Variants in ZFPM1 observed in about 807,000 individuals in gnomAD.
The protein encoded by ZFPM1 is zinc finger protein, FOG family member 1.
ZFPM1 carries 28 observed loss-of-function variants against 46.3 expected under a neutral mutation model. That is an observed-to-expected ratio of 0.60 (90% CI 0.45 to 0.83). The LOEUF is 0.83. Ranked by LOEUF, ZFPM1 falls within the 40% of genes least tolerant of loss-of-function variation. ZFPM1 has a pLI of 0.00. For synonymous variants in ZFPM1, 957 were observed against 675.9 expected (o/e 1.42, Z -6.45); for missense variants, 1,878 against 1,432.4 (o/e 1.31, Z -5.02).
intron 4 of ZFPM1, among the ~76,000 whole-genome samples, chr16:88,516,933 T>TG (rs1195616756): frequency 3.9e-5 from 6 of 152,056 alleles, no homozygotes; most frequent in East Asian, 1.9e-4. Flanking sequence ...CCTCTGGACA[T>TG]GGGGGGCGGG....
At chr16:88,511,713 G>T (rs778515190) in intron 3 of ZFPM1, among the ~76,000 whole-genome samples, 3 of 152,204 alleles carry the variant, frequency 2.0e-5, no homozygotes, top group Non-Finnish European at 4.4e-5. Flanking sequence ...GCAGAAGAGC[G>T]TTGAGAACCA....
At position 88,471,845 on chromosome 16, in the gene ZFPM1, G is replaced by C. The variant is rs1597233573; in HGVS notation, c.41-14094G>C. The stretch of plus-strand genomic sequence containing the variant: ...TCGGGGCGAGGCCCCCGCGGGCTGG[G>C]AGGGCTCTGGGCCTCCGGCTGGCTG... On this transcript the variant is annotated intron_variant, in intron 1 of 9. Transcript: ENST00000319555. The surrounding 1 kb of genome is among the most constrained non-coding windows in gnomAD (Gnocchi z 4.1). Among the ~76,000 whole-genome samples the C allele has an allele frequency of 6.6e-6, 1 of 152,380 alleles. No homozygotes were observed. Among genetic ancestry groups the C allele is most frequent in the East Asian group, 1.9e-4 (1 of 5,190 alleles).
chr16:88,497,395 C>G lies in ZFPM1; in HGVS notation c.268+8242C>G, dbSNP rs1330868999. 1.4e-5 allele frequency among the ~76,000 whole-genome samples: 2 copies of G among 138,574 alleles called. No individual in the cohort carries two copies. Among genetic ancestry groups the G allele is most frequent in the South Asian group, 2.5e-4 (1 of 3,936 alleles). 90.9% of individuals were successfully genotyped at this position (138,574 alleles called of 152,430 possible). A position where few individuals can be genotyped will look rare whatever the true frequency, so the allele number is the denominator to read the frequency against. On this transcript the variant is annotated intron_variant, in intron 3 of 9. Transcript: ENST00000319555. The surrounding 1 kb of genome is among the most constrained non-coding windows in gnomAD (Gnocchi z 5.4). Reference sequence around the variant, plus strand: ...GGTGGCTGGAACATCAGGGCCCGGGCGGGGATGGGGTTCAGAGGGGTCAGG... The same window carrying G: ...GGTGGCTGGAACATCAGGGCCCGGGGGGGGATGGGGTTCAGAGGGGTCAGG...
Position 88,501,172 on chromosome 16 carries a change from A to G in ZFPM1, c.268+12019A>G, listed in dbSNP as rs993403957. Among the ~76,000 whole-genome samples, 18 of 82,630 alleles carry G rather than the reference A, an allele frequency of 2.2e-4. 1 individual carries two copies. Among genetic ancestry groups the G allele is most frequent in the African/African-American group, 7.4e-4 (14 of 18,944 alleles). 54.2% of individuals were successfully genotyped at this position (82,630 alleles called of 152,430 possible). On this transcript the variant is annotated intron_variant, in intron 3 of 9. Coordinates refer to ENST00000319555, the MANE Select transcript of ZFPM1 (RefSeq NM_153813.3). ...GTGCTGGTGATGATGGAGATAGCAG[A>G]CATGGGTGCGGGGGCCCTCCCGCAG...
At chr16:88,466,957 C>G (rs1298057038) in intron 1 of ZFPM1, among the ~76,000 whole-genome samples, 1 of 151,998 alleles carries the variant, frequency 6.6e-6, no homozygotes, top group Admixed American at 6.6e-5. Flanking sequence ...CAGTGAACCC[C>G]AAAACGGCGG....
At position 88,453,656 on chromosome 16, in the gene ZFPM1, G is replaced by A; in HGVS notation, c.18G>A (p.Gln6=). The A allele has an allele frequency of 8.4e-7, 1 of 1,194,380 alleles. No individual in the cohort carries two copies. The highest frequency in any genetic ancestry group is 1.1e-6 in the Non-Finnish European group (1 of 944,378). 74.0% of individuals were successfully genotyped at this position (1,194,380 alleles called of 1,614,324 possible). A position where few individuals can be genotyped will look rare whatever the true frequency, so the allele number is the denominator to read the frequency against. The stretch of plus-strand genomic sequence containing the variant: ...CCGGAGACATGTCCAGGCGGAAACA[G>A]AGCAACCCCCGGCAGATCAAGCGTG... MSRRK[Q]SNPRQIKRSL... Residue 6 remains glutamine, a synonymous_variant, in exon 1 of 10, where the codon CAG becomes CAA. Transcript: ENST00000319555.
upstream of ZFPM1, among the ~76,000 whole-genome samples, chr16:88,452,116 C>T (rs1282205761): frequency 1.3e-5 from 2 of 152,282 alleles, no homozygotes; most frequent in Non-Finnish European, 2.9e-5. Context: ...CACTGACGCC[C>T]GTTTCTTATG....
At chr16:88,461,040 GAGGGGCGGGAGGCCCTGGTGAGGACCC>G (rs1567525573) in intron 1 of ZFPM1, among the ~76,000 whole-genome samples, 12 of 107,626 alleles carry the variant, frequency 1.1e-4, no homozygotes, top group African/African-American at 4.6e-4. Context: ...GGTGAGGACC[GAGGGGCGGGAGGCCCTGGTGAGGACCC>G]AGGGGCAGAA....
chr16:88,514,128 G>A (rs79401827), intron 3 of ZFPM1, among the ~76,000 whole-genome samples: 6 of 152,280 alleles, frequency 3.9e-5, no homozygotes, highest in Admixed American at 6.5e-5. Context: ...TCTGGAGAAC[G>A]ACCATCGCAG....
intron 3 of ZFPM1, among the ~76,000 whole-genome samples, chr16:88,491,252 G>A (rs996744491): frequency 3.3e-5 from 5 of 152,164 alleles, no homozygotes; most frequent in East Asian, 3.9e-4. Flanking sequence ...AGGGTAGCGG[G>A]TAGCAGGGAG....
intron 3 of ZFPM1, 46 bp from the exon 4 acceptor site, chr16:88,514,341 A>G (rs898312957): frequency 2.1e-5 from 32 of 1,550,122 alleles, no homozygotes; most frequent in Non-Finnish European, 2.4e-5. Context: ...TGGGCTGGAC[A>G]GGCCCCAGAC....
intron 3 of ZFPM1, among the ~76,000 whole-genome samples, chr16:88,489,979 C>T (rs1909467943): frequency 6.6e-6 from 1 of 151,938 alleles, no homozygotes; most frequent in African/African-American, 2.4e-5. Context: ...TCGCAAGGTC[C>T]CCCGTGGAGG....
At chr16:88,489,444 G>A in intron 3 of ZFPM1, 2 of 369,876 alleles carry the variant, frequency 5.4e-6, no homozygotes, top group Non-Finnish European at 9.8e-6. Flanking sequence ...AGTGGTGGCT[G>A]GTAAAGAATC....
At position 88,497,871 on chromosome 16, in the gene ZFPM1, C is replaced by T. The variant is rs1392541124; in HGVS notation, c.268+8718C>T. The stretch of plus-strand genomic sequence containing the variant: ...CATCTGACTAATCTCGCCGGCGGAG[C>T]GTCTACGCAAACCTCAAGGCCTGCT... On this transcript the variant is annotated intron_variant, in intron 3 of 9. Transcript: ENST00000319555. This position sits in a 1 kb window ranked among gnomAD's most constrained non-coding sequence, Gnocchi z 5.4. Among the ~76,000 whole-genome samples, 3 of 152,150 alleles carry T rather than the reference C, an allele frequency of 2.0e-5. No individual in the cohort carries two copies. The highest frequency in any genetic ancestry group is 2.9e-5 in the Non-Finnish European group (2 of 68,008).
intron 4 of ZFPM1, among the ~76,000 whole-genome samples, chr16:88,515,150 C>G (rs141799926): frequency 7.3e-4 from 111 of 152,336 alleles, no homozygotes; most frequent in African/African-American, 2.6e-3. Flanking sequence ...TCTTTTAAAC[C>G]ACGTCTCAGC....
In ZFPM1 at chr16:88,533,575, C is replaced by G; in HGVS notation, c.1617C>G (p.Ala539=). The G allele has an allele frequency of 1.3e-6, 2 of 1,498,098 alleles. 1 individual carries two copies. Among genetic ancestry groups the G allele is most frequent in the East Asian group, 5.8e-5 (2 of 34,422 alleles). 92.8% of individuals were successfully genotyped at this position (1,498,098 alleles called of 1,614,324 possible). Residue 539 remains alanine, a synonymous_variant, in exon 10 of 10, where the codon GCC becomes GCG. Transcript: ENST00000319555. ...YVFGPDAAPP[A]SEILAKMSEL... is the part of the protein sequence containing the mutation. ...TCGGGCCCGACGCGGCGCCCCCCGC[C>G]TCGGAGATCCTGGCCAAGATGTCCG...
chr16:88,531,254 G>C (rs1328341186), intron 6 of ZFPM1, among the ~76,000 whole-genome samples: 1 of 152,188 alleles, frequency 6.6e-6, no homozygotes, highest in Non-Finnish European at 1.5e-5. Context: ...CTGGGGCAGA[G>C]AACATTCCTT....
chr16:88,501,863 C>T (rs1910362021), intron 3 of ZFPM1, among the ~76,000 whole-genome samples: 1 of 152,062 alleles, frequency 6.6e-6, no homozygotes, highest in African/African-American at 2.4e-5. Flanking sequence ...CTGCTGTTTG[C>T]CATGGGATCA....
chr16:88,503,662 C>A (rs1910500866), intron 3 of ZFPM1, among the ~76,000 whole-genome samples: 1 of 152,196 alleles, frequency 6.6e-6, no homozygotes, highest in Admixed American at 6.5e-5. Context: ...CATGGCAGCA[C>A]CCTCTGTGGC....
Sources: allele counts gnomAD v4.1 joint callset (sites outside exome capture counted in the v4.1 genomes callset), GRCh38; gene constraint gnomAD v4.1.1; non-coding constraint Gnocchi (gnomAD v3.1); transcripts MANE v1.5; gene names NCBI Gene and HGNC (gene_info 2026-07-23, HGNC 2026-07-21).